The following HEPACAM2 variants were observed in gnomAD, a reference collection of about 807,000 sequenced individuals.
The protein encoded by HEPACAM2 is HEPACAM family member 2, also known as mitotic kinetics regulator.
HEPACAM2 carries 49 observed loss-of-function variants against 49.6 expected under a neutral mutation model. The observed-to-expected ratio is 0.99, with a 90% CI of 0.78 to 1.25. The LOEUF (loss-of-function observed/expected upper bound fraction) is 1.25, where lower values mean the gene tolerates loss of function less well. HEPACAM2 is among the 50% of genes most tolerant of loss of function. The pLI is 0.00. For missense variants in HEPACAM2, 525 were observed against 557.2 expected (o/e 0.94, Z 0.58); for synonymous variants, 197 against 202.9 (o/e 0.97, Z 0.25).
chr7:93,231,867 A>G, the HEPACAM2 span, among the ~76,000 whole-genome samples: 15 of 152,088 alleles, frequency 9.9e-5, no homozygotes, highest in African/African-American at 3.6e-4. Context: ...CTATTGGGCA[A>G]CCTAGAGCAC....
intron 1 of HEPACAM2, 94 bp downstream of exon 1, chr7:93,226,274 C>A: frequency 1.2e-6 from 1 of 821,818 alleles, no homozygotes; most frequent in South Asian, 1.6e-5. Flanking sequence ...TATCTGAATG[C>A]ATCTACAGCC....
Position 93,197,542 on chromosome 7 carries a change from A to G in HEPACAM2, c.1081T>C (p.Phe361Leu), listed in dbSNP as rs781228026. 1.9e-6 allele frequency: 3 copies of G among 1,597,592 alleles called. No homozygotes were observed. In the East Asian group the frequency reaches 6.7e-5, roughly 36 times the overall value. The change falls in exon 5 of 10, where the codon TTT (phenylalanine) becomes CTT (leucine). Residue 361 changes from phenylalanine (F) to leucine (L), a missense_variant. Transcript: ENST00000394468. ...AGAAGACACATGGATATAATCAAAAATAGTGATATTCCAGTTATACTTGCT... is the reference window on the plus strand; with the variant it reads ...AGAAGACACATGGATATAATCAAAAGTAGTGATATTCCAGTTATACTTGCT... ...PLASITGISLFLIISMCLLFL... is the reference protein window; with the variant it reads ...PLASITGISLLLIISMCLLFL...
At chr7:93,203,322 A>C (rs975172164) in intron 4 of HEPACAM2, among the ~76,000 whole-genome samples, 1 of 152,128 alleles carries the variant, frequency 6.6e-6, no homozygotes, top group African/African-American at 2.4e-5. Context: ...CACACACACA[A>C]AAAGTGCCAA....
At chr7:93,196,464 A>C (rs1055468834) in intron 7 of HEPACAM2, among the ~76,000 whole-genome samples, 5 of 152,272 alleles carry the variant, frequency 3.3e-5, no homozygotes, top group African/African-American at 9.6e-5. Flanking sequence ...GGCCCTTGCC[A>C]GCTCTGACAT....
chr7:93,195,802 G>A (rs1390692600), intron 8 of HEPACAM2, 26 bp downstream of exon 8: 1 of 1,569,356 alleles, frequency 6.4e-7, no homozygotes, highest in Non-Finnish European at 8.8e-7. Context: ...CTACTTCTCG[G>A]TTAATCAGCC....
chr7:93,220,152 A>G (rs914585524), intron 1 of HEPACAM2, among the ~76,000 whole-genome samples: 4 of 152,144 alleles, frequency 2.6e-5, no homozygotes, highest in African/African-American at 9.7e-5. Context: ...TCACGGGAAA[A>G]ACTCTGGCAA....
At chr7:93,203,019 T>C (rs1294411133) in intron 4 of HEPACAM2, among the ~76,000 whole-genome samples, 2 of 152,156 alleles carry the variant, frequency 1.3e-5, no homozygotes, top group Non-Finnish European at 2.9e-5. Flanking sequence ...TCCTTATTTC[T>C]TTAGGCTCCT....
At chr7:93,200,360 T>A (rs1793850886) in intron 4 of HEPACAM2, among the ~76,000 whole-genome samples, 1 of 152,140 alleles carries the variant, frequency 6.6e-6, no homozygotes, top group Non-Finnish European at 1.5e-5. Flanking sequence ...TCTTGGAAAC[T>A]GTGACTGAGC....
At chr7:93,230,448 G>A (rs1794602728), upstream of HEPACAM2, among the ~76,000 whole-genome samples, 1 of 152,152 alleles carries the variant, frequency 6.6e-6, no homozygotes, top group African/African-American at 2.4e-5. Flanking sequence ...CACACCTCAG[G>A]TGAATCTGAA....
intron 1 of HEPACAM2, among the ~76,000 whole-genome samples, chr7:93,220,693 G>C (rs1352922957): frequency 3.9e-5 from 6 of 152,238 alleles, no homozygotes; most frequent in Non-Finnish European, 7.3e-5. Flanking sequence ...GCCCTGGGCA[G>C]TGCTGGGGAT....
chr7:93,215,187 C>T (rs1429884922), intron 3 of HEPACAM2, among the ~76,000 whole-genome samples: 1 of 152,050 alleles, frequency 6.6e-6, no homozygotes, highest in African/African-American at 2.4e-5. Flanking sequence ...TGGCCCCTGG[C>T]CAGTATTTCA....
chr7:93,215,828 AAGAAG>A (rs1252918016), intron 2 of HEPACAM2, 143 bp from the exon 3 acceptor site: 2 of 756,126 alleles, frequency 2.6e-6, no homozygotes, highest in East Asian at 5.4e-5. Context: ...GTAATAACTA[AAGAAG>A]AGAAGAGAAT....
chr7:93,214,329 A>G (rs906367145), intron 3 of HEPACAM2, among the ~76,000 whole-genome samples: 1 of 152,162 alleles, frequency 6.6e-6, no homozygotes, highest in Non-Finnish European at 1.5e-5. Flanking sequence ...TAGTAATGCA[A>G]TGTTCACAAT....
upstream of HEPACAM2, among the ~76,000 whole-genome samples, chr7:93,228,309 T>C (rs747655527): frequency 1.3e-5 from 2 of 152,228 alleles, no homozygotes; most frequent in Non-Finnish European, 2.9e-5. Context: ...AGATGCTACA[T>C]TAAAAAATAA....
At chr7:93,207,955 G>T (rs767486684) in intron 4 of HEPACAM2, among the ~76,000 whole-genome samples, 1 of 152,030 alleles carries the variant, frequency 6.6e-6, no homozygotes, top group Non-Finnish European at 1.5e-5. Context: ...AGAAGGATGA[G>T]AATTTGGTGG....
intron 3 of HEPACAM2, among the ~76,000 whole-genome samples, chr7:93,213,760 G>A (rs1794236499): frequency 6.6e-6 from 1 of 152,064 alleles, no homozygotes. Context: ...GAGTGCCTAG[G>A]ATGCTGAAGG....
intron 4 of HEPACAM2, among the ~76,000 whole-genome samples, chr7:93,202,834 T>A (rs1793930156): frequency 6.6e-6 from 1 of 152,140 alleles, no homozygotes; most frequent in Non-Finnish European, 1.5e-5. Context: ...GATTCTCCAG[T>A]CAGGCAGTAG....
chr7:93,205,278 G>T (rs541942964), intron 4 of HEPACAM2, among the ~76,000 whole-genome samples: 2 of 152,180 alleles, frequency 1.3e-5, no homozygotes, highest in South Asian at 4.1e-4. Flanking sequence ...ATTTGCTGTA[G>T]TCTTAGAAAG....
At chr7:93,200,975 C>T (rs1458067967) in intron 4 of HEPACAM2, among the ~76,000 whole-genome samples, 1 of 152,020 alleles carries the variant, frequency 6.6e-6, no homozygotes, top group East Asian at 1.9e-4. Flanking sequence ...AGTGACTATG[C>T]AGATATGACA....
Sources: gnomAD v4.1 joint callset for allele counts (sites outside exome capture counted in the v4.1 genomes callset) on GRCh38, gnomAD v4.1.1 for gene constraint, MANE v1.5 for transcripts, NCBI Gene and HGNC (gene_info 2026-07-23, HGNC 2026-07-21) for gene names.